The following DDX24 variants were observed in gnomAD, a reference collection of about 807,000 sequenced individuals.
DDX24 encodes ATP-dependent RNA helicase DDX24.
In DDX24, 24 loss-of-function variants were observed where a neutral mutation model predicts 68.9. The observed-to-expected ratio is 0.35, with a 90% CI of 0.25 to 0.49. The LOEUF is 0.49. DDX24 is among the 20% of genes least tolerant of loss of function. The pLI, the probability that DDX24 is intolerant of heterozygous loss-of-function variation, is 0.99. For missense variants in DDX24, 989 were observed against 1,039.0 expected (o/e 0.95, Z 0.66); for synonymous variants, 395 against 385.2 (o/e 1.03, Z -0.30).
At chr14:94,073,511 G>C (rs1203006281) in intron 2 of DDX24, among the ~76,000 whole-genome samples, 1 of 152,028 alleles carries the variant, frequency 6.6e-6, no homozygotes, top group Non-Finnish European at 1.5e-5. Context: ...CACATACCAT[G>C]CTAACCCCTT....
chr14:94,073,211 A>G (rs897228332), intron 2 of DDX24, among the ~76,000 whole-genome samples: 3 of 150,818 alleles, frequency 2.0e-5, no homozygotes, highest in African/African-American at 7.4e-5. Flanking sequence ...TCAGCCCCCC[A>G]AGCAGCTGGG....
intron 3 of DDX24, among the ~76,000 whole-genome samples, chr14:94,061,482 C>G (rs80330128): frequency 6.6e-6 from 1 of 152,122 alleles, no homozygotes; most frequent in South Asian, 2.1e-4. Flanking sequence ...CCACTAATGC[C>G]CTGTTGTTTT....
chr14:94,058,192 T>C (rs984553656), intron 5 of DDX24, among the ~76,000 whole-genome samples: 50 of 152,166 alleles, frequency 3.3e-4, no homozygotes, highest in African/African-American at 1.2e-3. Flanking sequence ...GCCATACATA[T>C]TCTGGGTCAG....
At position 94,061,053 on chromosome 14, in the gene DDX24, A is replaced by C; in HGVS notation, c.1257T>G (p.Ala419=). ...GCGTGGACATTCCACCAACCAAAAT[A>C]GCAGTTTTAATTCCTATGGGACAGA... ...AVARFTGIKT[A]ILVGGMSTQK... is the part of the protein sequence containing the mutation. Residue 419 remains alanine, a synonymous_variant, in exon 4 of 9, where the codon GCT becomes GCG. Coordinates refer to ENST00000621632, the MANE Select transcript of DDX24 (RefSeq NM_020414.4). The C allele has an allele frequency of 6.2e-7, 1 of 1,614,172 alleles. No homozygotes were observed. The highest frequency in any genetic ancestry group is 8.5e-7 in the Non-Finnish European group (1 of 1,180,022).
chr14:94,062,076 T>C, intron 3 of DDX24, 21 bp downstream of exon 3: 1 of 1,573,876 alleles, frequency 6.4e-7, no homozygotes. Flanking sequence ...AAAATATTTA[T>C]TAAATGGAAC....
At chr14:94,074,332 T>C (rs1441591915) in intron 2 of DDX24, among the ~76,000 whole-genome samples, 2 of 152,168 alleles carry the variant, frequency 1.3e-5, no homozygotes, top group Non-Finnish European at 2.9e-5. Context: ...AACAAAATTT[T>C]AGCAAATCAA....
At chr14:94,052,792 G>A (rs981700500) in intron 8 of DDX24, among the ~76,000 whole-genome samples, 2 of 152,218 alleles carry the variant, frequency 1.3e-5, no homozygotes, top group Non-Finnish European at 2.9e-5. Flanking sequence ...GTAAGAGGAG[G>A]CAGCTGAGGG....
At chr14:94,073,530 A>C (rs1271712767) in intron 2 of DDX24, among the ~76,000 whole-genome samples, 1 of 152,198 alleles carries the variant, frequency 6.6e-6, no homozygotes, top group Non-Finnish European at 1.5e-5. Flanking sequence ...TTAATCAATA[A>C]AGCTGGACTG....
At chr14:94,067,390 TA>T (rs1885727265) in intron 2 of DDX24, among the ~76,000 whole-genome samples, 1 of 152,132 alleles carries the variant, frequency 6.6e-6, no homozygotes, top group African/African-American at 2.4e-5. Flanking sequence ...GAGAGAATGC[TA>T]AAAGCTTGGA....
chr14:94,054,712 G>A (rs767356062), intron 7 of DDX24, among the ~76,000 whole-genome samples: 9 of 152,228 alleles, frequency 5.9e-5, no homozygotes, highest in Non-Finnish European at 1.3e-4. Flanking sequence ...AGGATATCCA[G>A]ACAGCCATGA....
intron 2 of DDX24, among the ~76,000 whole-genome samples, chr14:94,074,272 C>T (rs192726174): frequency 2.0e-4 from 31 of 152,160 alleles, no homozygotes; most frequent in Admixed American, 1.8e-3. Flanking sequence ...AACACCAAAA[C>T]ATTACAAGAA....
rs561362842 is a variant in DDX24 at position 94,079,739 on chromosome 14, T to C, written c.4A>G (p.Lys2Glu). 4 of 1,613,192 alleles carry C rather than the reference T, an allele frequency of 2.5e-6. No individual in the cohort carries two copies. In the East Asian group the frequency reaches 6.7e-5, roughly 27 times the overall value. ...GGCCTTGATTTTGTGTCCTTCAACTTCATGGTTGCTGAAAAGGAGATACAT... is the reference window on the plus strand; with the variant it reads ...GGCCTTGATTTTGTGTCCTTCAACTCCATGGTTGCTGAAAAGGAGATACAT... The part of the protein sequence containing the change: M[K>E]LKDTKSRPKQ... The change falls in exon 2 of 9, where the codon AAG becomes GAG. Residue 2 changes from lysine (K) to glutamate (E), a missense_variant. This residue lies in a region of DDX24 where 295 missense variants were observed against 263.0 expected (regional missense o/e 1.12). Transcript: ENST00000621632.
At chr14:94,058,245 G>A (rs1373296768) in intron 5 of DDX24, among the ~76,000 whole-genome samples, 2 of 152,182 alleles carry the variant, frequency 1.3e-5, no homozygotes, top group African/African-American at 4.8e-5. Flanking sequence ...CCTCCCAGTG[G>A]CACACAGACT....
intron 7 of DDX24, among the ~76,000 whole-genome samples, chr14:94,054,426 C>T (rs372157113): frequency 1.1e-4 from 16 of 152,334 alleles, no homozygotes; most frequent in African/African-American, 3.6e-4. Context: ...TGGGATAGAA[C>T]CTCTTCTCCT....
intron 6 of DDX24, 146 bp from the exon 7 acceptor site, chr14:94,055,330 C>T: frequency 2.7e-6 from 2 of 736,274 alleles, no homozygotes; most frequent in East Asian, 5.4e-5. Context: ...ATCTAGCCCT[C>T]CTCTCTTAGT....
intron 2 of DDX24, 104 bp from the exon 3 acceptor site, chr14:94,062,725 G>T: frequency 7.1e-7 from 1 of 1,413,242 alleles, no homozygotes; most frequent in Non-Finnish European, 9.4e-7. Context: ...GTAGCCAAGT[G>T]CCACCCTGAC....
At position 94,050,281 on chromosome 14, in the gene DDX24, C is replaced by G. The variant is rs943064644; in HGVS notation, c.*910G>C. The G allele has an allele frequency of 6.6e-6, 1 of 152,266 alleles. No individual in the cohort carries two copies. Among genetic ancestry groups the G allele is most frequent in the Admixed American group, 6.5e-5 (1 of 15,284 alleles). The allele number at this position is 152,266 out of a possible 1,614,324, so 9.4% of individuals were successfully genotyped here. A position where few individuals can be genotyped will look rare whatever the true frequency, so the allele number is the denominator to read the frequency against. On this transcript the variant is annotated 3_prime_UTR_variant, in exon 9 of 9. Coordinates refer to ENST00000621632, the MANE Select transcript of DDX24 (RefSeq NM_020414.4). ...CCCAAGGAGCTCAGCTAAGGGAACA[C>G]AGCATGGCAAGTGCTATGAAGAGGG...
chr14:94,060,677 C>A, intron 4 of DDX24, 64 bp from the exon 5 acceptor site: 1 of 1,563,526 alleles, frequency 6.4e-7, no homozygotes, highest in Admixed American at 1.8e-5. Flanking sequence ...ATCTATAGCA[C>A]ACCCTACACT....
chr14:94,057,449 T>A (rs1885511923), intron 6 of DDX24: 1 of 192,810 alleles, frequency 5.2e-6, no homozygotes, highest in Non-Finnish European at 1.0e-5. Context: ...CATGACTTGT[T>A]CAAGGTTACA....
Sources: allele counts gnomAD v4.1 joint callset (sites outside exome capture counted in the v4.1 genomes callset), GRCh38; gene constraint gnomAD v4.1.1; regional missense constraint gnomAD v4.1.1; transcripts MANE v1.5; gene names NCBI Gene and HGNC (gene_info 2026-07-23, HGNC 2026-07-21).